NEO1: variants seen among roughly 807,000 people sequenced by gnomAD.
NEO1 encodes the protein neogenin 1.
Under a neutral mutation model 159.7 loss-of-function variants are expected in NEO1, and 63 were observed. The ratio of observed to expected loss-of-function variants is 0.39; its 90% CI spans 0.32 to 0.49. The LOEUF is 0.49. Ranked by LOEUF, NEO1 falls within the 20% of genes least tolerant of loss-of-function variation. NEO1 has a pLI of 0.85. For missense variants in NEO1, 1,615 were observed against 1,831.0 expected (o/e 0.88, Z 2.15); for synonymous variants, 633 against 662.0 (o/e 0.96, Z 0.67).
intron 16 of NEO1, among the ~76,000 whole-genome samples, chr15:73,269,128 C>G (rs2151027874): frequency 6.6e-6 from 1 of 152,292 alleles, no homozygotes. Flanking sequence ...ATCAGGAGGT[C>G]TGAACTTGAC....
At chr15:73,254,507 G>A (rs1486627921) in intron 12 of NEO1, among the ~76,000 whole-genome samples, 175 bp from the exon 13 acceptor site, 1 of 152,084 alleles carries the variant, frequency 6.6e-6, no homozygotes, top group Non-Finnish European at 1.5e-5. Flanking sequence ...ATCATTGAGG[G>A]TTTTAGAATT....
intron 7 of NEO1, among the ~76,000 whole-genome samples, chr15:73,210,680 T>C (rs2152086524): frequency 6.6e-6 from 1 of 152,370 alleles, no homozygotes; most frequent in South Asian, 2.1e-4. Context: ...ATTTATATTA[T>C]ATACTTAGAA....
chr15:73,201,954 CTT>C (rs1206304409), intron 7 of NEO1, among the ~76,000 whole-genome samples: 60 of 83,462 alleles, frequency 7.2e-4, no homozygotes, highest in Middle Eastern at 0.018. Flanking sequence ...CTATATCATT[CTT>C]TTTTTTTTTT....
rs182690686 is a variant in NEO1 at position 73,287,753 on chromosome 15, C to T, written c.3411-560C>T. Among the ~76,000 whole-genome samples the T allele has an allele frequency of 4.8e-3, 736 of 152,096 alleles. 6 individuals are homozygous for T. The highest frequency in any genetic ancestry group is 0.016 in the African/African-American group (684 of 41,460). On this transcript the variant is annotated intron_variant, in intron 23 of 28. Coordinates refer to ENST00000261908, the MANE Select transcript of NEO1 (RefSeq NM_002499.4). The stretch of plus-strand genomic sequence containing the variant: ...AAAATTAGCTGGGTGTGGTGGTGGA[C>T]GCCTGTAATCCCAGCTACTCAGGAA...
intron 1 of NEO1, among the ~76,000 whole-genome samples, chr15:73,067,377 G>C (rs1434710712): frequency 6.6e-6 from 1 of 151,400 alleles, no homozygotes; most frequent in Non-Finnish European, 1.5e-5. Flanking sequence ...TCAAATGTCT[G>C]TTTGTGGTGA....
At chr15:73,181,627 T>TG (rs906534258) in intron 7 of NEO1, among the ~76,000 whole-genome samples, 25 of 151,250 alleles carry the variant, frequency 1.7e-4, no homozygotes, top group East Asian at 3.9e-4. Context: ...GAGAGTGAGG[T>TG]GGGGGGGTGC....
chr15:73,194,090 G>A (rs555702939), intron 7 of NEO1, among the ~76,000 whole-genome samples: 8 of 152,250 alleles, frequency 5.3e-5, no homozygotes, highest in African/African-American at 1.4e-4. Flanking sequence ...CCAAGTCAAA[G>A]GGTTGGAATT....
intron 1 of NEO1, among the ~76,000 whole-genome samples, chr15:73,061,420 CTCT>C (rs2067973066): frequency 2.0e-5 from 3 of 152,164 alleles, no homozygotes; most frequent in African/African-American, 7.2e-5. Context: ...CCTCAGAAAT[CTCT>C]TGAGTCTTAA....
Position 73,302,719 on chromosome 15 carries a change from T to C in NEO1, c.*23T>C. On this transcript the variant is annotated 3_prime_UTR_variant, in exon 29 of 29. Coordinates refer to ENST00000261908, the MANE Select transcript of NEO1 (RefSeq NM_002499.4). ...TGACGACCTTCACCAGGACCTGACTTCAAACCTGAGTCTGGAAGTCTTGGA... is the reference window on the plus strand; with the variant it reads ...TGACGACCTTCACCAGGACCTGACTCCAAACCTGAGTCTGGAAGTCTTGGA... 1 of 1,606,758 alleles carries C rather than the reference T, an allele frequency of 6.2e-7. No individual in the cohort carries two copies. The highest frequency in any genetic ancestry group is 8.5e-7 in the Non-Finnish European group (1 of 1,174,400).
intron 1 of NEO1, among the ~76,000 whole-genome samples, chr15:73,094,451 A>G (rs2069884678): frequency 6.6e-6 from 1 of 152,224 alleles, no homozygotes; most frequent in Admixed American, 6.5e-5. Context: ...AATACATGTT[A>G]TATAATCATT....
At chr15:73,246,773 C>G (rs951033561) in intron 9 of NEO1, among the ~76,000 whole-genome samples, 6 of 152,204 alleles carry the variant, frequency 3.9e-5, no homozygotes, top group African/African-American at 1.4e-4. Context: ...ATTCACATTT[C>G]CCTTGGAAAG....
At chr15:73,267,704 C>T (rs1233946329) in intron 16 of NEO1, among the ~76,000 whole-genome samples, 2 of 151,750 alleles carry the variant, frequency 1.3e-5, no homozygotes, top group Non-Finnish European at 2.9e-5. Flanking sequence ...CATGTCCCTA[C>T]AAAGGACATG....
chr15:73,163,968 G>A (rs2151899103), intron 5 of NEO1, among the ~76,000 whole-genome samples: 1 of 151,212 alleles, frequency 6.6e-6, no homozygotes, highest in African/African-American at 2.4e-5. Flanking sequence ...AGGGGCCGGT[G>A]GTGGATTTCT....
At chr15:73,162,143 C>T (rs75097671) in intron 5 of NEO1, 4,441 of 225,572 alleles carry the variant, frequency 0.02, 223 homozygotes, top group East Asian at 0.19. Flanking sequence ...CTTGCTACCA[C>T]CTCCAGGGGC....
rs1238740275 is a variant in NEO1, at chr15:73,295,147, A to ATATATATATATATATAT, written c.3901+1599_3901+1600insTATATATATATATATAT. 2.8e-3 allele frequency among the ~76,000 whole-genome samples: 278 copies of ATATATATATATATATAT among 100,478 alleles called. 6 individuals carry two copies. The highest frequency in any genetic ancestry group is 3.5e-3 in the Non-Finnish European group (151 of 43,184). The allele number at this position is 100,478 out of a possible 152,430, so 65.9% of individuals were successfully genotyped here. A position where few individuals can be genotyped will look rare whatever the true frequency, so the allele number is the denominator to read the frequency against. On this transcript the variant is annotated intron_variant, in intron 26 of 28. Coordinates refer to ENST00000261908, the MANE Select transcript of NEO1 (RefSeq NM_002499.4). ...TTAAATATATATATATATATATGTA[A>ATATATATATATATATAT]AAATTTGGCCTTTCTACTATCTCCC...
At position 73,141,385 on chromosome 15, in the gene NEO1, C is replaced by T. The variant is rs543235513; in HGVS notation, c.1015+5358C>T. Among the ~76,000 whole-genome samples the T allele has an allele frequency of 4.6e-5, 7 of 152,290 alleles. No homozygotes were observed. The East Asian group carries it at 1.4e-3, about 29-fold the overall frequency. On this transcript the variant is annotated intron_variant, in intron 5 of 28. Coordinates refer to ENST00000261908, the MANE Select transcript of NEO1 (RefSeq NM_002499.4). ...ATCATTAACTCCTGGAGTTTCTACA[C>T]ATGCAGTGACGTGAATTAGCCCATC...
intron 5 of NEO1, among the ~76,000 whole-genome samples, chr15:73,146,315 G>T (rs1030096939): frequency 2.6e-5 from 4 of 152,188 alleles, no homozygotes; most frequent in Admixed American, 2.0e-4. Flanking sequence ...TGACCACAAC[G>T]GATTGCTTAA....
intron 5 of NEO1, among the ~76,000 whole-genome samples, chr15:73,137,260 A>C (rs1216450860): frequency 6.6e-6 from 1 of 152,204 alleles, no homozygotes; most frequent in African/African-American, 2.4e-5. Flanking sequence ...AAGACTGACC[A>C]AGAATTAAAA....
At chr15:73,076,605 A>G (rs2068778840) in intron 1 of NEO1, among the ~76,000 whole-genome samples, 1 of 152,196 alleles carries the variant, frequency 6.6e-6, no homozygotes, top group African/African-American at 2.4e-5. Context: ...GATCTTGTAC[A>G]GTGCAAAGCT....
Sources: gnomAD v4.1 joint callset for allele counts (sites outside exome capture counted in the v4.1 genomes callset) on GRCh38, gnomAD v4.1.1 for gene constraint, MANE v1.5 for transcripts, NCBI Gene and HGNC (gene_info 2026-07-23, HGNC 2026-07-21) for gene names.